IL17RD: variants seen among roughly 807,000 people sequenced by gnomAD.
IL17RD encodes interleukin 17 receptor D.
A neutral mutation model predicts 80.5 loss-of-function variants in IL17RD; 52 were observed. The ratio of observed to expected loss-of-function variants is 0.65; its 90% CI spans 0.52 to 0.81. IL17RD has a LOEUF of 0.81. Among genes scored for constraint, IL17RD ranks in the 40% least tolerant of loss-of-function variants. The probability of loss-of-function intolerance (pLI) is 0.00; values close to 1 mark genes in which losing one functional copy is unlikely to be tolerated. For missense variants in IL17RD, 1,024 were observed against 955.1 expected (o/e 1.07, Z -0.95); for synonymous variants, 416 against 391.8 (o/e 1.06, Z -0.73).
At chr3:57,102,407 GTC>G (rs1706853327) in intron 10 of IL17RD, 70 bp downstream of exon 10, 1 of 740,176 alleles carries the variant, frequency 1.4e-6, no homozygotes, top group Non-Finnish European at 2.1e-6. Context: ...GGTACTCCCA[GTC>G]TCTCTTTCTC....
chr3:57,166,047 C>A (rs1277378238), upstream of IL17RD, among the ~76,000 whole-genome samples: 1 of 152,194 alleles, frequency 6.6e-6, no homozygotes, highest in Non-Finnish European at 1.5e-5. Context: ...TGACTAAAAA[C>A]AATACTCTCA....
In IL17RD at chr3:57,110,285, C is replaced by T. The variant is rs772168853; in HGVS notation, c.337G>A (p.Val113Ile). 1.7e-5 allele frequency: 27 copies of T among 1,606,774 alleles called. No individual in the cohort carries two copies. The Admixed American group carries it at 4.1e-4, about 24-fold the overall frequency. Reference protein sequence around the residue: ...LGIEFLKGFRVILEELKSEGR... With the variant: ...LGIEFLKGFRIILEELKSEGR... ...TCCGACTTCAGCTCCTCCAGTATTA[C>T]CCGAAATCCTTTCAGGAATTCGATG... The change falls in exon 4 of 13, where the codon GTA becomes ATA. Residue 113 changes from valine (V) to isoleucine (I), a missense_variant. Transcript: ENST00000296318.
intron 1 of IL17RD, among the ~76,000 whole-genome samples, chr3:57,138,781 T>C (rs950009190): frequency 6.6e-6 from 1 of 151,088 alleles, no homozygotes; most frequent in African/African-American, 2.4e-5. Context: ...ACTAAAAAAA[T>C]ACAAAAAATT....
chr3:57,136,467 G>C (rs1488121), intron 1 of IL17RD, among the ~76,000 whole-genome samples: 37,236 of 151,650 alleles, frequency 0.25, 5,696 homozygotes, highest in African/African-American at 0.4. Context: ...GACCCCATCT[G>C]TATGAAAAAT....
intron 1 of IL17RD, among the ~76,000 whole-genome samples, chr3:57,125,856 C>T (rs1041412383): frequency 1.3e-5 from 2 of 152,150 alleles, no homozygotes; most frequent in Non-Finnish European, 2.9e-5. Context: ...CCTCAAAACC[C>T]CTGCCTACAG....
chr3:57,131,820 T>A (rs1707615449), intron 1 of IL17RD, among the ~76,000 whole-genome samples: 1 of 152,200 alleles, frequency 6.6e-6, no homozygotes, highest in Admixed American at 6.5e-5. Flanking sequence ...ATAGTCCAGC[T>A]CCACTCAATA....
intron 7 of IL17RD, among the ~76,000 whole-genome samples, chr3:57,105,552 A>AAAAAAAAAAAAAAAAAAATATATATAT: frequency 1.6e-5 from 1 of 63,590 alleles, no homozygotes; most frequent in African/African-American, 9.3e-5. Flanking sequence ...AAAAAAAAAA[A>AAAAAAAAAAAAAAAAAAATATATATAT]ATATATATAT....
chr3:57,163,343 C>A (rs2060318930), intron 1 of IL17RD, among the ~76,000 whole-genome samples: 1 of 152,112 alleles, frequency 6.6e-6, no homozygotes, highest in African/African-American at 2.4e-5. Context: ...GTGACTGGGA[C>A]AGAGCCACCA....
rs114642439 is a variant in IL17RD at position 57,109,822 on chromosome 3, G to C, written c.430-165C>G. On this transcript the variant is annotated intron_variant, in intron 4 of 12. Coordinates refer to ENST00000296318, the MANE Select transcript of IL17RD (RefSeq NM_017563.5). ...AGGTCTAGTTTCTGGACTAACTTGA[G>C]ATTTGGATCGCTTAACCATGAAGAT... 0.014 allele frequency among the ~76,000 whole-genome samples: 2,132 copies of C among 152,292 alleles called. 58 individuals are homozygous for C. Among genetic ancestry groups the C allele is most frequent in the African/African-American group, 0.049 (2,037 of 41,558 alleles).
Position 57,164,916 on chromosome 3 carries a change from G to A in IL17RD, c.126+245C>T. On this transcript the variant is annotated intron_variant, in intron 1 of 12. Coordinates refer to ENST00000296318, the MANE Select transcript of IL17RD (RefSeq NM_017563.5). ...CGCCCTCTGAATGGGACCCCGGCCG[G>A]CGGCCGCACCTCATTAGCAACACAA... is the stretch of plus-strand genomic sequence containing the variant. The A allele has an allele frequency of 5.6e-6, 7 of 1,246,560 alleles. No individual in the cohort carries two copies. In the South Asian group the frequency reaches 1.2e-4, roughly 22 times the overall value. 77.2% of individuals were successfully genotyped at this position (1,246,560 alleles called of 1,614,324 possible). A position where few individuals can be genotyped will look rare whatever the true frequency, so the allele number is the denominator to read the frequency against.
intron 1 of IL17RD, among the ~76,000 whole-genome samples, chr3:57,159,119 T>G (rs898276633): frequency 7.6e-5 from 11 of 144,724 alleles, no homozygotes; most frequent in Admixed American, 7.2e-5. Flanking sequence ...TGTCGATATC[T>G]CTTCTTTTTT....
At chr3:57,158,591 T>G (rs187915651) in intron 1 of IL17RD, among the ~76,000 whole-genome samples, 41 of 152,286 alleles carry the variant, frequency 2.7e-4, no homozygotes, top group Admixed American at 1.6e-3. Context: ...ATTAGCTACA[T>G]CCACCTTCCC....
intron 1 of IL17RD, among the ~76,000 whole-genome samples, chr3:57,163,358 A>T (rs1269920592): frequency 6.6e-6 from 1 of 152,114 alleles, no homozygotes; most frequent in African/African-American, 2.4e-5. Flanking sequence ...CCACCATTTT[A>T]TGAGGGTGCA....
intron 3 of IL17RD, 145 bp downstream of exon 3, chr3:57,114,547 G>C: frequency 3.1e-6 from 2 of 653,840 alleles, no homozygotes; most frequent in African/African-American, 1.8e-5. Flanking sequence ...GCAAATATAT[G>C]CAACAAAGTG....
intron 1 of IL17RD, among the ~76,000 whole-genome samples, chr3:57,158,791 A>G (rs946880103): frequency 8.5e-5 from 13 of 152,288 alleles, no homozygotes; most frequent in African/African-American, 3.1e-4. Context: ...AAATTGTTCA[A>G]TTTTTAGTTT....
At chr3:57,101,549 C>T (rs910978765) in intron 10 of IL17RD, among the ~76,000 whole-genome samples, 186 bp from the exon 11 acceptor site, 4 of 152,092 alleles carry the variant, frequency 2.6e-5, no homozygotes, top group Non-Finnish European at 5.9e-5. Context: ...AGTGGAGCAA[C>T]GAATGGTCAA....
rs1706657160 is a variant in IL17RD at position 57,095,778 on chromosome 3, C to G, written c.*615G>C. On this transcript the variant is annotated 3_prime_UTR_variant, in exon 13 of 13. Coordinates refer to ENST00000296318, the MANE Select transcript of IL17RD (RefSeq NM_017563.5). Reference sequence around the variant, plus strand: ...CCCCGTGAGCTTCACCTCAATCAGTCATGCCACCCAGTAACACAGAGACTC... The same window carrying G: ...CCCCGTGAGCTTCACCTCAATCAGTGATGCCACCCAGTAACACAGAGACTC... 1 of 152,840 alleles carries G rather than the reference C, an allele frequency of 6.5e-6. No homozygotes were observed. Among genetic ancestry groups the G allele is most frequent in the Non-Finnish European group, 1.5e-5 (1 of 68,502 alleles). 9.5% of individuals were successfully genotyped at this position (152,840 alleles called of 1,614,324 possible). A position where few individuals can be genotyped will look rare whatever the true frequency, so the allele number is the denominator to read the frequency against.
chr3:57,115,020 GCACCACCAC>G (rs1216239882), intron 2 of IL17RD, among the ~76,000 whole-genome samples: 1 of 152,052 alleles, frequency 6.6e-6, no homozygotes, highest in Non-Finnish European at 1.5e-5. Flanking sequence ...ATGATTTGTA[GCACCACCAC>G]CACCACCCAC....
chr3:57,115,048 T>C (rs1047409107), intron 2 of IL17RD, among the ~76,000 whole-genome samples: 1 of 152,138 alleles, frequency 6.6e-6, no homozygotes, highest in Non-Finnish European at 1.5e-5. Flanking sequence ...ACTCATCCCA[T>C]GTTAAATTCC....
Sources: allele counts gnomAD v4.1 joint callset (sites outside exome capture counted in the v4.1 genomes callset), GRCh38; gene constraint gnomAD v4.1.1; transcripts MANE v1.5; gene names NCBI Gene and HGNC (gene_info 2026-07-23, HGNC 2026-07-21).